The following GALNT5 variants were observed in gnomAD, a reference collection of about 807,000 sequenced individuals.
GALNT5 encodes the protein UDP-GalNAc:polypeptide N-acetylgalactosaminyltransferase 5.
GALNT5 carries 72 observed loss-of-function variants against 85.4 expected under a neutral mutation model. The ratio of observed to expected loss-of-function variants is 0.84; its 90% CI spans 0.70 to 1.03. The LOEUF is 1.03. GALNT5 is among the 50% of genes least tolerant of loss of function. The pLI is 0.00. For missense variants in GALNT5, 1,137 were observed against 1,135.5 expected, an observed-to-expected ratio of 1.00 and a Z score of -0.02; for synonymous variants, 404 against 397.0, an observed-to-expected ratio of 1.02 and a Z score of -0.21.
intron 1 of GALNT5, among the ~76,000 whole-genome samples, chr2:157,280,558 A>G (rs771057881): frequency 4.6e-5 from 7 of 152,242 alleles, no homozygotes; most frequent in Non-Finnish European, 8.8e-5. Context: ...GTTTGTGGTA[A>G]TTTGTCATGG....
intron 5 of GALNT5, 74 bp downstream of exon 5, chr2:157,296,587 C>G (rs772356050): frequency 1.8e-6 from 2 of 1,110,824 alleles, no homozygotes; most frequent in Non-Finnish European, 2.7e-6. Flanking sequence ...TTCTACAAAA[C>G]AGCTGTATCT....
chr2:157,258,671 C>A lies in GALNT5; in HGVS notation c.589C>A (p.Pro197Thr), dbSNP rs540292162. ...HMGRVSLKQE[P>T]RKSHSPSSDT... ...GGGACGTGTCAGTTTAAAACAGGAGCCCCGGAAGAGTCATAGTCCCAGCAG... is the reference window on the plus strand; with the variant it reads ...GGGACGTGTCAGTTTAAAACAGGAGACCCGGAAGAGTCATAGTCCCAGCAG... Residue 197 changes from proline (P) to threonine (T), a missense_variant, in exon 1 of 10, where the codon CCC becomes ACC. Transcript: ENST00000259056. 4 of 1,613,654 alleles carry A rather than the reference C, an allele frequency of 2.5e-6. 1 individual carries two copies. The South Asian group carries it at 4.4e-5, about 18-fold the overall frequency.
At chr2:157,281,618 AAG>A (rs781298103) in intron 1 of GALNT5, among the ~76,000 whole-genome samples, 1 of 152,206 alleles carries the variant, frequency 6.6e-6, no homozygotes, top group Non-Finnish European at 1.5e-5. Flanking sequence ...GAAAAAAAGA[AAG>A]AAAGAAAGAA....
At position 157,317,583 on chromosome 2, in the gene GALNT5, A is replaced by G. The variant is rs1683743880; in HGVS notation, c.*6235A>G. 1.3e-5 allele frequency among the ~76,000 whole-genome samples: 2 copies of G among 152,142 alleles called. No homozygotes were observed. The highest frequency in any genetic ancestry group is 4.8e-5 in the African/African-American group (2 of 41,464). On this transcript the variant is annotated 3_prime_UTR_variant, in exon 10 of 10. Transcript: ENST00000259056. ...TTTGCTAAGGGGAGAATAAAACTAAAACTGTGGAGTATAAAGGATGTTGGA... is the reference window on the plus strand; with the variant it reads ...TTTGCTAAGGGGAGAATAAAACTAAGACTGTGGAGTATAAAGGATGTTGGA...
At chr2:157,279,461 T>A (rs1186816226) in intron 1 of GALNT5, among the ~76,000 whole-genome samples, 1 of 152,270 alleles carries the variant, frequency 6.6e-6, no homozygotes, top group Non-Finnish European at 1.5e-5. Context: ...TAGGCCTTGC[T>A]GAGCTGCGGT....
At chr2:157,279,450 G>A (rs556887216) in intron 1 of GALNT5, among the ~76,000 whole-genome samples, 2 of 152,378 alleles carry the variant, frequency 1.3e-5, no homozygotes, top group Non-Finnish European at 2.9e-5. Flanking sequence ...TACAGAGGCA[G>A]TAGGCCTTGC....
At chr2:157,295,838 C>G in intron 4 of GALNT5, 40 bp downstream of exon 4, 2 of 1,497,996 alleles carry the variant, frequency 1.3e-6, no homozygotes, top group Middle Eastern at 3.5e-4. Flanking sequence ...TCAAGCACAT[C>G]TTTAATCACA....
chr2:157,259,262 A>G lies in GALNT5; in HGVS notation c.1180A>G (p.Ile394Val). ...AACTGGAGGGCTAGAGCCAGCAAAA[A>G]TCAACATAACTGCCAAAGCCCCCTC... Reference protein sequence around the residue: ...ALTGGLEPAKINITAKAPSTE... With the variant: ...ALTGGLEPAKVNITAKAPSTE... The change falls in exon 1 of 10, where the codon ATC becomes GTC. Residue 394 changes from isoleucine to valine, a missense_variant. Coordinates refer to ENST00000259056, the MANE Select transcript of GALNT5 (RefSeq NM_014568.3). The G allele has an allele frequency of 6.2e-7, 1 of 1,611,536 alleles. No homozygotes were observed.
rs1338763779 is a variant in GALNT5, at chr2:157,312,799, T to C, written c.*1451T>C. 3 of 152,186 alleles carry C rather than the reference T, an allele frequency of 2.0e-5. No homozygotes were observed. The highest frequency in any genetic ancestry group is 2.1e-4 in the South Asian group (1 of 4,826). 9.4% of individuals were successfully genotyped at this position (152,186 alleles called of 1,614,324 possible). A position where few individuals can be genotyped will look rare whatever the true frequency, so the allele number is the denominator to read the frequency against. On this transcript the variant is annotated 3_prime_UTR_variant, in exon 10 of 10. Coordinates refer to ENST00000259056, the MANE Select transcript of GALNT5 (RefSeq NM_014568.3). Reference sequence around the variant, plus strand: ...AACAAATCTGCTTCACAGAATTCCTTAGAAAGAGATACACAATTCTTTGCT... The same window carrying C: ...AACAAATCTGCTTCACAGAATTCCTCAGAAAGAGATACACAATTCTTTGCT...
At chr2:157,268,497 A>G (rs1682508314) in intron 1 of GALNT5, among the ~76,000 whole-genome samples, 1 of 152,212 alleles carries the variant, frequency 6.6e-6, no homozygotes, top group Non-Finnish European at 1.5e-5. Flanking sequence ...TTTTACATCC[A>G]TTATCTCATC....
chr2:157,269,199 CG>C (rs1431990537), intron 1 of GALNT5, among the ~76,000 whole-genome samples: 1 of 152,122 alleles, frequency 6.6e-6, no homozygotes, highest in African/African-American at 2.4e-5. Context: ...GAAAGCTTTG[CG>C]GGGGTTTCCC....
intron 7 of GALNT5, among the ~76,000 whole-genome samples, chr2:157,304,240 C>G (rs953812439): frequency 1.3e-5 from 2 of 152,126 alleles, no homozygotes; most frequent in Non-Finnish European, 2.9e-5. Flanking sequence ...CCTTGTGATG[C>G]CCACATTTAC....
At chr2:157,268,954 G>A (rs906728007) in intron 1 of GALNT5, among the ~76,000 whole-genome samples, 14 of 152,146 alleles carry the variant, frequency 9.2e-5, no homozygotes, top group Non-Finnish European at 1.9e-4. Flanking sequence ...TTAGACTTTA[G>A]CAGCAATTTC....
chr2:157,258,405 C>G lies in GALNT5; in HGVS notation c.323C>G (p.Thr108Ser), dbSNP rs752142670. The change falls in exon 1 of 10, where the codon ACC becomes AGC. Residue 108 changes from threonine to serine, a missense_variant. Physicochemically the swap from Thr to Ser is moderately conservative, Grantham distance 58. Transcript: ENST00000259056. Reference protein sequence around the residue: ...VLKVEVDLDQTQRERKMQNAL... With the variant: ...VLKVEVDLDQSQRERKMQNAL... ...AAGGTTGAGGTGGACTTGGACCAAA[C>G]CCAGAGGGAAAGAAAAATGCAGAAT... 2 of 1,610,702 alleles carry G rather than the reference C, an allele frequency of 1.2e-6. No homozygotes were observed. The highest frequency in any genetic ancestry group is 2.2e-5 in the South Asian group (2 of 90,644).
chr2:157,300,826 T>C lies in GALNT5; in HGVS notation c.2266T>C (p.Tyr756His), dbSNP rs1574032611. The C allele has an allele frequency of 6.2e-7, 1 of 1,613,696 alleles. No individual in the cohort carries two copies. Among genetic ancestry groups the C allele is most frequent in the South Asian group, 1.1e-5 (1 of 91,060 alleles). The change falls in exon 7 of 10, where the codon TAT (tyrosine) becomes CAT (histidine). Residue 756 changes from tyrosine to histidine, a missense_variant. Coordinates refer to ENST00000259056, the MANE Select transcript of GALNT5 (RefSeq NM_014568.3). ...GGTTGCCGAGGTCTGGCTGGATGAG[T>C]ATAAGGAGCTGTTCTATGGCCACGG... ...VRVAEVWLDEYKELFYGHGDH... is the reference protein window; with the variant it reads ...VRVAEVWLDEHKELFYGHGDH...
At chr2:157,274,021 G>C (rs1004457592) in intron 1 of GALNT5, among the ~76,000 whole-genome samples, 11 of 151,780 alleles carry the variant, frequency 7.2e-5, no homozygotes, top group Admixed American at 1.3e-4. Flanking sequence ...TCCCCACCTT[G>C]TGTCCAAGTG....
At chr2:157,288,486 A>G (rs559766128) in intron 3 of GALNT5, among the ~76,000 whole-genome samples, 5 of 152,360 alleles carry the variant, frequency 3.3e-5, no homozygotes, top group Admixed American at 1.3e-4. Flanking sequence ...AGCAAATGGA[A>G]CAAGAAGTAC....
intron 3 of GALNT5, among the ~76,000 whole-genome samples, chr2:157,286,470 T>A (rs1682973497): frequency 6.6e-6 from 1 of 152,164 alleles, no homozygotes; most frequent in Admixed American, 6.5e-5. Flanking sequence ...TATGCTCTTT[T>A]CAAGTTTTCT....
Position 157,258,218 on chromosome 2 carries a change from A to C in GALNT5, c.136A>C (p.Lys46Gln). 6.2e-7 allele frequency: 1 copy of C among 1,613,814 alleles called. No homozygotes were observed. Among genetic ancestry groups the C allele is most frequent in the Middle Eastern group, 1.7e-4 (1 of 6,060 alleles). ...SFSEINTRVI[K>Q]EDIVRRERIG... ...CAGTGAGATCAACACTCGGGTCATC[A>C]AGGAAGACATTGTGAGGAGGGAGCG... Residue 46 changes from lysine to glutamine, a missense_variant, in exon 1 of 10, where the codon AAG (lysine) becomes CAG (glutamine). Lys to Gln is a moderately conservative substitution (Grantham distance 53, BLOSUM62 1). Transcript: ENST00000259056.
Sources: gnomAD v4.1 joint callset for allele counts (sites outside exome capture counted in the v4.1 genomes callset) on GRCh38, gnomAD v4.1.1 for gene constraint, MANE v1.5 for transcripts, NCBI Gene and HGNC (gene_info 2026-07-23, HGNC 2026-07-21) for gene names.